Variants in WWP2 observed in about 807,000 individuals in gnomAD.
WWP2 encodes NEDD4-like E3 ubiquitin-protein ligase WWP2.
Under a neutral mutation model 121.0 loss-of-function variants are expected in WWP2, and 57 were observed. The ratio of observed to expected loss-of-function variants is 0.47; its 90% CI spans 0.38 to 0.59. WWP2 has a LOEUF of 0.59. Among genes scored for constraint, WWP2 ranks in the 20% least tolerant of loss-of-function variants. The probability of loss-of-function intolerance (pLI) is 0.00; values close to 1 mark genes in which losing one functional copy is unlikely to be tolerated. For missense variants in WWP2, 962 were observed against 1,158.9 expected (o/e 0.83, Z 2.47); for synonymous variants, 449 against 441.3 (o/e 1.02, Z -0.22).
chr16:69,929,927 GGGTTT>G (rs1216494639), intron 12 of WWP2, among the ~76,000 whole-genome samples, 198 bp from the exon 13 acceptor site: 4 of 152,220 alleles, frequency 2.6e-5, no homozygotes, highest in African/African-American at 9.6e-5. Flanking sequence ...ATGCAGGGCT[GGGTTT>G]TTGGCCATGA....
intron 4 of WWP2, among the ~76,000 whole-genome samples, chr16:69,806,339 G>A (rs1474221672): frequency 6.6e-6 from 1 of 152,166 alleles, no homozygotes; most frequent in East Asian, 1.9e-4. Flanking sequence ...TTTATATTGG[G>A]GTTTTCCATC....
Position 69,940,195 on chromosome 16 carries a change from C to A in WWP2, c.*255C>A, listed in dbSNP as rs907900181. The A allele has an allele frequency of 7.6e-6, 4 of 527,688 alleles. No homozygotes were observed. The highest frequency in any genetic ancestry group is 3.4e-6 in the Non-Finnish European group (1 of 295,872). 32.7% of individuals were successfully genotyped at this position (527,688 alleles called of 1,614,324 possible). A position where few individuals can be genotyped will look rare whatever the true frequency, so the allele number is the denominator to read the frequency against. ...CCTTTGCAAAGTTCCAGAGGGCTGA[C>A]CCTCTCTGCAAAACTCTCCCCTGTC... On this transcript the variant is annotated 3_prime_UTR_variant, in exon 24 of 24. Coordinates refer to ENST00000359154, the MANE Select transcript of WWP2 (RefSeq NM_001270454.2).
At chr16:69,783,215 G>C (rs1274249824) in intron 1 of WWP2, 1 of 152,096 alleles carries the variant, frequency 6.6e-6, no homozygotes, top group Non-Finnish European at 1.5e-5. Flanking sequence ...TCATCACATT[G>C]GCCGGGTTGG....
rs975002232 is a variant in WWP2 at position 69,935,037 on chromosome 16, A to G, written c.1843-816A>G. ...CTGGAAAGAGGGACACAATGTGAAT[A>G]TGGAAAGGGAGGTCCTGCCACGTGC... On this transcript the variant is annotated intron_variant, in intron 17 of 23. Transcript: ENST00000359154. The surrounding 1 kb of genome is among the most constrained non-coding windows in gnomAD (Gnocchi z 5.2). 2.0e-5 allele frequency among the ~76,000 whole-genome samples: 3 copies of G among 152,140 alleles called. No individual in the cohort carries two copies. The highest frequency in any genetic ancestry group is 2.1e-4 in the South Asian group (1 of 4,832).
At chr16:69,855,112 G>T (rs1008723164) in intron 6 of WWP2, among the ~76,000 whole-genome samples, 61 of 152,346 alleles carry the variant, frequency 4.0e-4, no homozygotes, top group African/African-American at 1.4e-3. Context: ...CTTCCAAAGT[G>T]CTGGGATTAC....
At chr16:69,936,041 G>A in intron 18 of WWP2, 55 bp downstream of exon 18, 2 of 1,596,644 alleles carry the variant, frequency 1.3e-6, no homozygotes, top group South Asian at 2.3e-5. Context: ...GTCTCTGGGT[G>A]GGAAGCAGGT....
chr16:69,817,395 T>A (rs937050412), intron 4 of WWP2, among the ~76,000 whole-genome samples: 2 of 152,036 alleles, frequency 1.3e-5, no homozygotes, highest in African/African-American at 2.4e-5. Context: ...ATTACAGATG[T>A]GCACCACCAT....
At chr16:69,826,195 AG>A (rs1340950432) in intron 4 of WWP2, among the ~76,000 whole-genome samples, 3 of 149,422 alleles carry the variant, frequency 2.0e-5, no homozygotes, top group African/African-American at 7.4e-5. Context: ...TGGACTGAGG[AG>A]GCAGAGCTTG....
At chr16:69,765,508 A>AGAGG (rs2038708843) in intron 1 of WWP2, among the ~76,000 whole-genome samples, 1 of 152,116 alleles carries the variant, frequency 6.6e-6, no homozygotes, top group Non-Finnish European at 1.5e-5. Flanking sequence ...AAAGCAGGGA[A>AGAGG]GAGGGATGTA....
chr16:69,764,029 C>G (rs1014602399), intron 1 of WWP2, among the ~76,000 whole-genome samples: 1 of 152,172 alleles, frequency 6.6e-6, no homozygotes, highest in Admixed American at 6.5e-5. Flanking sequence ...TCTCACTTAA[C>G]CTTCCCTTTG....
At chr16:69,915,738 T>C (rs2058470121) in intron 9 of WWP2, among the ~76,000 whole-genome samples, 1 of 152,146 alleles carries the variant, frequency 6.6e-6, no homozygotes, top group African/African-American at 2.4e-5. Flanking sequence ...CAAAACTATA[T>C]ACATATGACT....
intron 4 of WWP2, among the ~76,000 whole-genome samples, chr16:69,823,675 C>T (rs1380696432): frequency 6.6e-6 from 1 of 152,134 alleles, no homozygotes; most frequent in African/African-American, 2.4e-5. Context: ...GCCATGTTGG[C>T]CCTGCTGGCC....
chr16:69,843,445 G>A (rs1237930913), intron 6 of WWP2, among the ~76,000 whole-genome samples: 1 of 152,064 alleles, frequency 6.6e-6, no homozygotes, highest in Non-Finnish European at 1.5e-5. Context: ...ATTGTTTATT[G>A]CAATGTGCAA....
intron 11 of WWP2, 53 bp from the exon 12 acceptor site, chr16:69,929,395 C>T: frequency 1.3e-6 from 2 of 1,558,958 alleles, no homozygotes; most frequent in Non-Finnish European, 1.8e-6. Flanking sequence ...AGGGAAAGGA[C>T]ACCGGCTCTC....
At chr16:69,855,391 CT>C (rs1280183096) in intron 6 of WWP2, among the ~76,000 whole-genome samples, 1 of 152,212 alleles carries the variant, frequency 6.6e-6, no homozygotes, top group Non-Finnish European at 1.5e-5. Flanking sequence ...CAAAGCCCCC[CT>C]GACCTGTCTG....
chr16:69,935,995 C>T lies in WWP2; in HGVS notation c.1976+9C>T. On this transcript the variant is annotated intron_variant, in intron 18 of 23. Coordinates refer to ENST00000359154, the MANE Select transcript of WWP2 (RefSeq NM_001270454.2). The surrounding 1 kb of genome is among the most constrained non-coding windows in gnomAD (Gnocchi z 5.2). ...TCCATTGTCTGGATCAAGTGAGTTCCCTGCCCCCTTGCCCCACCGCGCTGA... is the reference window on the plus strand; with the variant it reads ...TCCATTGTCTGGATCAAGTGAGTTCTCTGCCCCCTTGCCCCACCGCGCTGA... 1 of 1,613,336 alleles carries T rather than the reference C, an allele frequency of 6.2e-7. No homozygotes were observed. The highest frequency in any genetic ancestry group is 8.5e-7 in the Non-Finnish European group (1 of 1,179,654).
intron 8 of WWP2, among the ~76,000 whole-genome samples, chr16:69,892,626 C>T (rs1377747590): frequency 5.3e-5 from 8 of 152,198 alleles, no homozygotes; most frequent in South Asian, 2.1e-4. Flanking sequence ...CTCAGCCTCA[C>T]GGGCTCAAGT....
chr16:69,875,563 G>A (rs1057332833), intron 7 of WWP2, among the ~76,000 whole-genome samples: 1 of 152,198 alleles, frequency 6.6e-6, no homozygotes, highest in South Asian at 2.1e-4. Flanking sequence ...CTTTGCTGCA[G>A]CTTTATCAAC....
chr16:69,862,328 G>A (rs1004861176), intron 6 of WWP2, among the ~76,000 whole-genome samples: 5 of 152,168 alleles, frequency 3.3e-5, no homozygotes, highest in South Asian at 2.1e-4. Context: ...GCCTCCCAAA[G>A]TGCTGGGATT....
Sources: gnomAD v4.1 joint callset for allele counts (sites outside exome capture counted in the v4.1 genomes callset) on GRCh38, gnomAD v4.1.1 for gene constraint, Gnocchi (gnomAD v3.1) non-coding constraint, MANE v1.5 for transcripts, NCBI Gene and HGNC (gene_info 2026-07-23, HGNC 2026-07-21) for gene names.